Variants in TNNI3K observed in about 807,000 individuals in gnomAD.
TNNI3K encodes the protein serine/threonine-protein kinase TNNI3K.
Under a neutral mutation model 114.5 loss-of-function variants are expected in TNNI3K, and 140 were observed. That is an observed-to-expected ratio of 1.22 (90% CI 1.07 to 1.41). TNNI3K has a LOEUF of 1.41. Ranked by LOEUF, TNNI3K falls within the 40% of genes most tolerant of loss-of-function variation. The pLI is 0.00. For synonymous variants in TNNI3K, 347 were observed against 347.5 expected (o/e 1.00, Z 0.02); for missense variants, 1,125 against 1,007.6 (o/e 1.12, Z -1.58).
intron 17 of TNNI3K, among the ~76,000 whole-genome samples, chr1:74,387,485 G>T (rs1221097794): frequency 6.6e-6 from 1 of 152,156 alleles, no homozygotes; most frequent in Non-Finnish European, 1.5e-5. Flanking sequence ...GTTTCAAAAA[G>T]AGAACCATAG....
intron 4 of TNNI3K, among the ~76,000 whole-genome samples, chr1:74,258,342 T>C (rs1476608690): frequency 6.6e-6 from 1 of 152,158 alleles, no homozygotes; most frequent in Non-Finnish European, 1.5e-5. Flanking sequence ...GAACTCTCAT[T>C]TACACTCTTA....
intron 17 of TNNI3K, among the ~76,000 whole-genome samples, chr1:74,386,028 T>C (rs1663460130): frequency 6.6e-6 from 1 of 152,204 alleles, no homozygotes; most frequent in South Asian, 2.1e-4. Flanking sequence ...GCTGTTCGCA[T>C]GATAGTGAAT....
intron 20 of TNNI3K, among the ~76,000 whole-genome samples, chr1:74,441,714 T>C (rs1000935957): frequency 6.6e-6 from 1 of 152,156 alleles, no homozygotes; most frequent in Non-Finnish European, 1.5e-5. Flanking sequence ...TGGAACATCA[T>C]TGTGATATTT....
intron 23 of TNNI3K, among the ~76,000 whole-genome samples, chr1:74,504,617 C>A (rs756421592): frequency 2.0e-5 from 3 of 151,976 alleles, no homozygotes; most frequent in Non-Finnish European, 4.4e-5. Flanking sequence ...AAGAGCCCTA[C>A]GTGTGTAAAA....
intron 20 of TNNI3K, among the ~76,000 whole-genome samples, chr1:74,450,480 T>TAGG (rs139234216): frequency 0.037 from 5,582 of 152,014 alleles, 331 homozygotes; most frequent in African/African-American, 0.13. Flanking sequence ...ATCTACCAAA[T>TAGG]AGAAAATGTT....
At chr1:74,536,924 G>A (rs540354815) in intron 23 of TNNI3K, among the ~76,000 whole-genome samples, 2 of 152,142 alleles carry the variant, frequency 1.3e-5, no homozygotes, top group Non-Finnish European at 2.9e-5. Flanking sequence ...GGGCATCTGT[G>A]AAATGCTTGC....
intron 17 of TNNI3K, among the ~76,000 whole-genome samples, chr1:74,389,021 T>C (rs1242657071): frequency 6.6e-6 from 1 of 152,144 alleles, no homozygotes; most frequent in Middle Eastern, 3.2e-3. Flanking sequence ...GAGTACTTTG[T>C]TGGATGAAGA....
intron 23 of TNNI3K, among the ~76,000 whole-genome samples, chr1:74,516,631 A>G (rs1388096499): frequency 6.6e-6 from 1 of 152,198 alleles, no homozygotes; most frequent in Non-Finnish European, 1.5e-5. Flanking sequence ...ACTATGGGCC[A>G]TGGGACCTCA....
At chr1:74,242,008 C>G (rs1023241714) in intron 2 of TNNI3K, among the ~76,000 whole-genome samples, 1 of 152,002 alleles carries the variant, frequency 6.6e-6, no homozygotes, top group Non-Finnish European at 1.5e-5. Flanking sequence ...CACCACCACA[C>G]CTGGCTAATT....
intron 23 of TNNI3K, among the ~76,000 whole-genome samples, chr1:74,500,439 T>A (rs1669556413): frequency 6.6e-6 from 1 of 151,048 alleles, no homozygotes; most frequent in South Asian, 2.1e-4. Flanking sequence ...CCGTCTCTAC[T>A]AAAAATACAA....
chr1:74,339,756 A>T (rs908745372), intron 7 of TNNI3K, among the ~76,000 whole-genome samples: 2 of 151,974 alleles, frequency 1.3e-5, no homozygotes, highest in Non-Finnish European at 2.9e-5. Flanking sequence ...GAGAAATATA[A>T]TGCCCCCTAA....
intron 21 of TNNI3K, among the ~76,000 whole-genome samples, chr1:74,464,199 G>T (rs190926529): frequency 2.0e-4 from 31 of 152,324 alleles, no homozygotes; most frequent in Non-Finnish European, 1.2e-4. Flanking sequence ...ATTCTTAAGT[G>T]TGCAGACGGG....
At chr1:74,338,900 G>C (rs141420430) in intron 7 of TNNI3K, among the ~76,000 whole-genome samples, 6 of 152,166 alleles carry the variant, frequency 3.9e-5, no homozygotes, top group African/African-American at 1.4e-4. Flanking sequence ...GCTGTTCCTT[G>C]GACCTTGTTT....
At chr1:74,449,553 G>C (rs1472349818) in intron 20 of TNNI3K, among the ~76,000 whole-genome samples, 1 of 151,946 alleles carries the variant, frequency 6.6e-6, no homozygotes, top group African/African-American at 2.4e-5. Context: ...TAAAAGGATG[G>C]AGGAAGATCT....
chr1:74,322,438 G>A, intron 5 of TNNI3K, among the ~76,000 whole-genome samples: 1 of 146,936 alleles, frequency 6.8e-6, no homozygotes, highest in African/African-American at 2.5e-5. Context: ...CCTCCCATAT[G>A]TTGTCATTCT....
chr1:74,294,835 CT>C (rs1277985355), intron 5 of TNNI3K, among the ~76,000 whole-genome samples: 1 of 151,664 alleles, frequency 6.6e-6, no homozygotes, highest in Non-Finnish European at 1.5e-5. Context: ...GTTTAAAAAC[CT>C]TTTGTGCTTT....
At chr1:74,293,886 T>G (rs1657821514) in intron 5 of TNNI3K, among the ~76,000 whole-genome samples, 1 of 151,766 alleles carries the variant, frequency 6.6e-6, no homozygotes, top group Non-Finnish European at 1.5e-5. Context: ...TGCTAAGAAT[T>G]TAGTCCACAA....
At chr1:74,449,916 C>G (rs1666909835) in intron 20 of TNNI3K, among the ~76,000 whole-genome samples, 1 of 110,514 alleles carries the variant, frequency 9.0e-6, no homozygotes, top group Non-Finnish European at 1.8e-5. Flanking sequence ...TAATAGACAT[C>G]TACAGAACTC....
intron 17 of TNNI3K, among the ~76,000 whole-genome samples, chr1:74,421,289 T>G (rs1300526462): frequency 1.3e-5 from 2 of 152,132 alleles, no homozygotes; most frequent in African/African-American, 2.4e-5. Context: ...ACTGAAAGGA[T>G]GATTCATGTT....
Sources: allele counts gnomAD v4.1 joint callset (sites outside exome capture counted in the v4.1 genomes callset), GRCh38; gene constraint gnomAD v4.1.1; transcripts MANE v1.5; gene names NCBI Gene and HGNC (gene_info 2026-07-23, HGNC 2026-07-21).